The following SPOCK3 variants were observed in gnomAD, a reference collection of about 807,000 sequenced individuals.
The protein encoded by SPOCK3 is testican-3.
SPOCK3 carries 30 observed loss-of-function variants against 56.6 expected under a neutral mutation model. The ratio of observed to expected loss-of-function variants is 0.53; its 90% confidence interval spans 0.40 to 0.72. SPOCK3 has a LOEUF of 0.72. Among genes scored for constraint, SPOCK3 ranks in the 30% least tolerant of loss-of-function variants. SPOCK3 has a pLI of 0.00. For missense variants in SPOCK3, 527 were observed against 530.0 expected, an observed-to-expected ratio of 0.99 and a Z score of 0.06; for synonymous variants, 196 against 183.3, an observed-to-expected ratio of 1.07 and a Z score of -0.56.
intron 7 of SPOCK3, among the ~76,000 whole-genome samples, chr4:166,768,140 C>CCAGTCTGTGTCCAGACA (rs1738385515): frequency 6.6e-6 from 1 of 152,074 alleles, no homozygotes; most frequent in Non-Finnish European, 1.5e-5. Flanking sequence ...GACTCTTTAT[C>CCAGTCTGTGTCCAGACA]CAATTTGCCA....
chr4:166,994,160 A>G (rs1748107532), intron 4 of SPOCK3, among the ~76,000 whole-genome samples: 1 of 152,154 alleles, frequency 6.6e-6, no homozygotes, highest in Non-Finnish European at 1.5e-5. Flanking sequence ...CACAGCCAGA[A>G]CCAACACCCA....
intron 4 of SPOCK3, among the ~76,000 whole-genome samples, chr4:166,917,108 G>A (rs1163640774): frequency 6.6e-6 from 1 of 152,086 alleles, no homozygotes; most frequent in African/African-American, 2.4e-5. Context: ...GCGTGGTTGT[G>A]TTAAAAGAGG....
chr4:166,831,627 T>G (rs890246643), intron 6 of SPOCK3, among the ~76,000 whole-genome samples: 10 of 151,926 alleles, frequency 6.6e-5, no homozygotes, highest in Non-Finnish European at 1.3e-4. Flanking sequence ...AAATAACATC[T>G]ATGGTTATAA....
rs374684321 is a variant in SPOCK3 at position 167,010,321 on chromosome 4, G to A, written c.236-9858C>T. ...AGATCACTTGAGCTCAAGAGTTTGA[G>A]GCTACCCTGGGCAATATGGAAAAAC... On this transcript the variant is annotated intron_variant, in intron 3 of 10. Coordinates refer to ENST00000357545, the MANE Select transcript of SPOCK3 (RefSeq NM_001040159.2). Among the ~76,000 whole-genome samples, 3 of 152,030 alleles carry A rather than the reference G, an allele frequency of 2.0e-5. No individual in the cohort carries two copies. The Middle Eastern group carries it at 0.01, about 517-fold the overall frequency.
At chr4:167,166,551 G>A (rs1765781574) in intron 2 of SPOCK3, among the ~76,000 whole-genome samples, 1 of 152,004 alleles carries the variant, frequency 6.6e-6, no homozygotes, top group Non-Finnish European at 1.5e-5. Context: ...AGAGTTTTCT[G>A]TATTTTTATA....
rs534116584 is a variant in SPOCK3, at chr4:166,881,239, CTTAT to C, written c.589+7887_589+7890del. Among the ~76,000 whole-genome samples, 64 of 151,312 alleles carry C rather than the reference CTTAT, an allele frequency of 4.2e-4. 1 individual carries two copies. Among genetic ancestry groups the C allele is most frequent in the Non-Finnish European group, 8.4e-4 (57 of 67,734 alleles). Reference sequence around the variant, plus strand: ...ACATAATTGCATTTTTTTTCCTTTTCTTATTTAGTCACTTGCAAAATGTCTAAAG... The same window carrying C: ...ACATAATTGCATTTTTTTTCCTTTTCTTAGTCACTTGCAAAATGTCTAAAG... On this transcript the variant is annotated intron_variant, in intron 6 of 10. Coordinates refer to ENST00000357545, the MANE Select transcript of SPOCK3 (RefSeq NM_001040159.2).
At chr4:166,878,559 T>C (rs1299788920) in intron 6 of SPOCK3, among the ~76,000 whole-genome samples, 1 of 152,098 alleles carries the variant, frequency 6.6e-6, no homozygotes, top group African/African-American at 2.4e-5. Context: ...TTAAAATGTA[T>C]ATTTAACTCA....
intron 2 of SPOCK3, among the ~76,000 whole-genome samples, chr4:167,107,758 A>T (rs943703662): frequency 6.6e-6 from 1 of 152,002 alleles, no homozygotes; most frequent in African/African-American, 2.4e-5. Context: ...TGCAGGATAC[A>T]AAATCAACAT....
chr4:167,112,644 G>A (rs1252810065), intron 2 of SPOCK3, among the ~76,000 whole-genome samples: 2 of 152,112 alleles, frequency 1.3e-5, no homozygotes, highest in South Asian at 4.1e-4. Context: ...CTTTAAAATT[G>A]TTCCATTATG....
chr4:166,897,456 G>T (rs1463036206), intron 5 of SPOCK3, among the ~76,000 whole-genome samples: 2 of 152,126 alleles, frequency 1.3e-5, no homozygotes, highest in Non-Finnish European at 2.9e-5. Context: ...AGCAAAGGTT[G>T]GGTGGGATTG....
At chr4:166,784,719 G>A (rs1450795340) in intron 7 of SPOCK3, among the ~76,000 whole-genome samples, 2 of 152,032 alleles carry the variant, frequency 1.3e-5, no homozygotes, top group African/African-American at 4.8e-5. Context: ...GACATAAAGT[G>A]AGCAGTATCT....
chr4:167,058,396 C>G (rs932893536), intron 3 of SPOCK3, among the ~76,000 whole-genome samples: 1 of 152,136 alleles, frequency 6.6e-6, no homozygotes, highest in Non-Finnish European at 1.5e-5. Flanking sequence ...AACTCCCATT[C>G]ATAAGTGCTT....
At chr4:166,958,457 T>A (rs771347290) in intron 4 of SPOCK3, among the ~76,000 whole-genome samples, 2 of 152,204 alleles carry the variant, frequency 1.3e-5, no homozygotes, top group African/African-American at 2.4e-5. Flanking sequence ...GCCACTAATC[T>A]GGACTAAGCC....
At chr4:167,183,590 A>G (rs1416189950) in intron 2 of SPOCK3, among the ~76,000 whole-genome samples, 1 of 152,222 alleles carries the variant, frequency 6.6e-6, no homozygotes, top group Non-Finnish European at 1.5e-5. Flanking sequence ...AGGAATAAAG[A>G]GAATAAAAGC....
At chr4:166,921,881 A>AC (rs951839908) in intron 4 of SPOCK3, among the ~76,000 whole-genome samples, 1 of 152,154 alleles carries the variant, frequency 6.6e-6, no homozygotes, top group Non-Finnish European at 1.5e-5. Flanking sequence ...TACAAATAGT[A>AC]CCTATGCGCC....
At chr4:166,986,812 A>G (rs1747218755) in intron 4 of SPOCK3, among the ~76,000 whole-genome samples, 1 of 152,078 alleles carries the variant, frequency 6.6e-6, no homozygotes, top group Non-Finnish European at 1.5e-5. Context: ...CAGATTCACA[A>G]CTTTCTTCCA....
intron 3 of SPOCK3, among the ~76,000 whole-genome samples, chr4:167,057,591 G>A (rs969682789): frequency 6.6e-6 from 1 of 151,816 alleles, no homozygotes; most frequent in African/African-American, 2.4e-5. Context: ...AATGCAGGAA[G>A]ATCTACCAAG....
intron 2 of SPOCK3, among the ~76,000 whole-genome samples, chr4:167,215,906 T>C (rs1236124157): frequency 6.6e-6 from 1 of 152,162 alleles, no homozygotes; most frequent in Non-Finnish European, 1.5e-5. Flanking sequence ...GGAAGACTGG[T>C]ACATTTGCTC....
chr4:166,955,563 T>G (rs1486812933), intron 4 of SPOCK3, among the ~76,000 whole-genome samples: 2 of 141,460 alleles, frequency 1.4e-5, no homozygotes, highest in Non-Finnish European at 3.0e-5. Flanking sequence ...ATTATATTAT[T>G]AAATTTAATA....
Sources: allele counts gnomAD v4.1 joint callset (sites outside exome capture counted in the v4.1 genomes callset), GRCh38; gene constraint gnomAD v4.1.1; transcripts MANE v1.5; gene names NCBI Gene and HGNC (gene_info 2026-07-23, HGNC 2026-07-21).